BCR: variants seen among roughly 807,000 people sequenced by gnomAD.
BCR encodes the protein BCR activator of RhoGEF and GTPase.
Under a neutral mutation model 138.6 loss-of-function variants are expected in BCR, and 58 were observed. The observed-to-expected ratio is 0.42, with a 90% CI of 0.34 to 0.52. The LOEUF (loss-of-function observed/expected upper bound fraction) is 0.52. BCR is among the 20% of genes least tolerant of loss of function. The pLI is 0.06. For missense variants in BCR, 1,599 were observed against 1,727.2 expected, an observed-to-expected ratio of 0.93 and a Z score of 1.32; for synonymous variants, 786 against 730.1, an observed-to-expected ratio of 1.08 and a Z score of -1.23.
intron 1 of BCR, among the ~76,000 whole-genome samples, chr22:23,215,297 A>G (rs1199503060): frequency 1.3e-5 from 2 of 152,140 alleles, no homozygotes; most frequent in African/African-American, 2.4e-5. Context: ...ACGGGTATAC[A>G]TGCTTTTACT....
intron 1 of BCR, among the ~76,000 whole-genome samples, chr22:23,229,874 T>C (rs1373201581): frequency 2.0e-5 from 3 of 152,026 alleles, no homozygotes; most frequent in Non-Finnish European, 4.4e-5. Context: ...TTGGTTAGTG[T>C]AGAGTGGAAA....
intron 1 of BCR, among the ~76,000 whole-genome samples, chr22:23,244,410 G>A (rs1195359618): frequency 6.6e-6 from 1 of 152,180 alleles, no homozygotes; most frequent in Non-Finnish European, 1.5e-5. Context: ...TCTCACCTTG[G>A]TGTCCTCAGG....
rs1384271628 is a variant in BCR, at chr22:23,180,880, G to A, written c.-81G>A. ...GCCATGGGGGCCGCCCGGCGCCCGG[G>A]GCCGGGCTGGCGAGGCGCCGCGCCG... On this transcript the variant is annotated 5_prime_UTR_variant, in exon 1 of 23. Transcript: ENST00000305877. 2.6e-6 allele frequency: 2 copies of A among 776,376 alleles called. No homozygotes were observed. The highest frequency in any genetic ancestry group is 2.8e-6 in the Non-Finnish European group (2 of 709,340). 48.1% of individuals were successfully genotyped at this position (776,376 alleles called of 1,614,324 possible). A position where few individuals can be genotyped will look rare whatever the true frequency, so the allele number is the denominator to read the frequency against.
chr22:23,199,100 C>A (rs890950665), intron 1 of BCR: 26 of 309,556 alleles, frequency 8.4e-5, no homozygotes, highest in Non-Finnish European at 1.4e-4. Flanking sequence ...CCAGCCAAGG[C>A]GACAAGAACG....
At chr22:23,195,005 G>T (rs1360958704) in intron 1 of BCR, among the ~76,000 whole-genome samples, 1 of 152,110 alleles carries the variant, frequency 6.6e-6, no homozygotes, top group Admixed American at 6.5e-5. Context: ...GGCCGGGAGT[G>T]GTGGCTCATG....
In BCR at chr22:23,316,047, C is replaced by T. The variant is rs1296538888; in HGVS notation, c.*525C>T. 1 of 206,588 alleles carries T rather than the reference C, an allele frequency of 4.8e-6. No individual in the cohort carries two copies. The highest frequency in any genetic ancestry group is 8.8e-6 in the Non-Finnish European group (1 of 113,042). 12.8% of individuals were successfully genotyped at this position (206,588 alleles called of 1,614,324 possible). On this transcript the variant is annotated 3_prime_UTR_variant, in exon 23 of 23. Coordinates refer to ENST00000305877, the MANE Select transcript of BCR (RefSeq NM_004327.4). ...TCCACTTCTAACAGGGTTTGAGAGGCTTAGTCAGCACTGGGTAGCGTTTTG... is the reference window on the plus strand; with the variant it reads ...TCCACTTCTAACAGGGTTTGAGAGGTTTAGTCAGCACTGGGTAGCGTTTTG...
rs976345416 is a variant in BCR at position 23,224,803 on chromosome 22, A to G, written c.1280-28996A>G. On this transcript the variant is annotated intron_variant, in intron 1 of 22. Transcript: ENST00000305877. ...AGGCTGAGTCAGGATAATCGCTTGA[A>G]CCCAGAAGGTAGAGGTTGCAGTAAG... Among the ~76,000 whole-genome samples, 9 of 151,898 alleles carry G rather than the reference A, an allele frequency of 5.9e-5. No homozygotes were observed. The East Asian group carries it at 1.7e-3, about 29-fold the overall frequency.
intron 1 of BCR, among the ~76,000 whole-genome samples, chr22:23,198,582 G>A (rs1471458845): frequency 6.6e-6 from 1 of 152,166 alleles, no homozygotes; most frequent in Non-Finnish European, 1.5e-5. Flanking sequence ...GGTGGCTGTG[G>A]CGGCTGTTCC....
intron 3 of BCR, 54 bp downstream of exon 3, chr22:23,261,108 T>C: frequency 6.5e-7 from 1 of 1,549,224 alleles, no homozygotes; most frequent in East Asian, 2.3e-5. Context: ...GTGACAGGGT[T>C]GGGGAGCCTC....
At chr22:23,263,427 A>G in intron 4 of BCR, 4 of 1,320,600 alleles carry the variant, frequency 3.0e-6, no homozygotes, top group Non-Finnish European at 4.4e-6. Flanking sequence ...TCAGAACTGG[A>G]TAGTGGGGTG....
At chr22:23,286,365 G>A (rs1199742350) in intron 10 of BCR, among the ~76,000 whole-genome samples, 1 of 152,216 alleles carries the variant, frequency 6.6e-6, no homozygotes, top group Non-Finnish European at 1.5e-5. Context: ...CAGCAGGACA[G>A]GAGGTCCTCA....
chr22:23,226,156 C>T (rs887256011), intron 1 of BCR, among the ~76,000 whole-genome samples: 3 of 152,198 alleles, frequency 2.0e-5, no homozygotes, highest in Admixed American at 6.5e-5. Flanking sequence ...TTCAAATGTC[C>T]TATGCTGTTT....
intron 1 of BCR, among the ~76,000 whole-genome samples, chr22:23,185,348 C>T (rs1414125771): frequency 2.0e-5 from 3 of 152,124 alleles, no homozygotes; most frequent in East Asian, 1.9e-4. Context: ...TAATGATAGA[C>T]GGCTGTGAGC....
At chr22:23,313,886 G>C in intron 20 of BCR, 82 bp from the exon 21 acceptor site, 1 of 1,102,862 alleles carries the variant, frequency 9.1e-7, no homozygotes, top group Non-Finnish European at 1.4e-6. Flanking sequence ...AGGGACACAA[G>C]CCCCAGGTGC....
intron 1 of BCR, among the ~76,000 whole-genome samples, chr22:23,209,804 A>C (rs535460510): frequency 2.0e-5 from 3 of 151,310 alleles, no homozygotes; most frequent in South Asian, 2.1e-4. Context: ...CCTATTTTTT[A>C]ATTTTTTTAG....
In BCR at chr22:23,298,608, CCTT is replaced by C. The variant is rs370752184; in HGVS notation, c.3012+3461_3012+3463del. Reference sequence around the variant, plus strand: ...TCCTTTTTCCTTTCCTTTTGCCTTTCCTTCTTCTTCGGAGTCTCACTGTCTTGC... The same window carrying C: ...TCCTTTTTCCTTTCCTTTTGCCTTTCCTTCTTCGGAGTCTCACTGTCTTGC... On this transcript the variant is annotated intron_variant, in intron 16 of 22. Transcript: ENST00000305877. Among the ~76,000 whole-genome samples, 22 of 151,880 alleles carry C rather than the reference CCTT, an allele frequency of 1.4e-4. No individual in the cohort carries two copies. In the East Asian group the frequency reaches 3.1e-3, roughly 21 times the overall value.
intron 16 of BCR, among the ~76,000 whole-genome samples, chr22:23,305,273 T>C (rs976195461): frequency 6.6e-6 from 1 of 152,134 alleles, no homozygotes; most frequent in African/African-American, 2.4e-5. Flanking sequence ...TGCAGACACA[T>C]GGGGCCCAGA....
intron 8 of BCR, among the ~76,000 whole-genome samples, chr22:23,277,699 G>A (rs535022307): frequency 1.3e-5 from 2 of 152,278 alleles, no homozygotes; most frequent in South Asian, 2.1e-4. Flanking sequence ...GTCTGGCATC[G>A]AGGAGAGGCC....
chr22:23,308,231 G>A (rs1338710302), intron 16 of BCR, among the ~76,000 whole-genome samples: 3 of 152,290 alleles, frequency 2.0e-5, no homozygotes, highest in Non-Finnish European at 4.4e-5. Flanking sequence ...GGGGTTTCTA[G>A]CTGTGTAAAT....
Sources: gnomAD v4.1 joint callset for allele counts (sites outside exome capture counted in the v4.1 genomes callset) on GRCh38, gnomAD v4.1.1 for gene constraint, MANE v1.5 for transcripts, NCBI Gene and HGNC (gene_info 2026-07-23, HGNC 2026-07-21) for gene names.